The following NRG1 variants were observed in gnomAD, a reference collection of about 807,000 sequenced individuals.
NRG1 encodes pro-neuregulin-1, membrane-bound isoform.
A neutral mutation model predicts 63.8 loss-of-function variants in NRG1; 18 were observed. That is an observed-to-expected ratio of 0.28 (90% CI 0.19 to 0.42). The LOEUF is 0.42. Ranked by LOEUF, NRG1 falls within the 10% of genes least tolerant of loss-of-function variation. NRG1 has a pLI of 1.00. For synonymous variants in NRG1, 302 were observed against 301.3 expected, an observed-to-expected ratio of 1.00 and a Z score of -0.02; for missense variants, 762 against 814.7, an observed-to-expected ratio of 0.94 and a Z score of 0.79.
chr8:32,728,496 A>G lies in NRG1; in HGVS notation c.632+418A>G, dbSNP rs979706933. On this transcript the variant is annotated intron_variant, in intron 6 of 11. Transcript: ENST00000356819. Reference sequence around the variant, plus strand: ...CCCAGTGATCACCTGCCAAATGAATAAGACAACAAAGAGAAGCAGAAGGGC... The same window carrying G: ...CCCAGTGATCACCTGCCAAATGAATGAGACAACAAAGAGAAGCAGAAGGGC... The G allele has an allele frequency of 6.1e-6, 6 of 985,232 alleles. No homozygotes were observed. The African/African-American group carries it at 1.0e-4, about 17-fold the overall frequency. The allele number at this position is 985,232 out of a possible 1,614,324, so 61.0% of individuals were successfully genotyped here. A position where few individuals can be genotyped will look rare whatever the true frequency, so the allele number is the denominator to read the frequency against.
chr8:31,877,714 G>A (rs180977319), intron 1 of NRG1, among the ~76,000 whole-genome samples: 9 of 152,078 alleles, frequency 5.9e-5, no homozygotes, highest in African/African-American at 2.2e-4. Flanking sequence ...TCTTGACAGC[G>A]GCAGTGTTCC....
chr8:32,200,249 G>A (rs964135619), intron 1 of NRG1, among the ~76,000 whole-genome samples: 5 of 151,952 alleles, frequency 3.3e-5, no homozygotes, highest in Non-Finnish European at 5.9e-5. Context: ...ATGTCTTTTT[G>A]GATTAAATTC....
At chr8:32,763,789 T>C (rs1184253494) in exon 12 of NRG1, 2 of 1,582,300 alleles carry the variant, frequency 1.3e-6, no homozygotes, top group African/African-American at 2.7e-5. Flanking sequence ...ATGTCACCTG[T>C]AGATTTCCAC....
At chr8:31,919,312 C>T (rs1303330666) in intron 1 of NRG1, among the ~76,000 whole-genome samples, 1 of 151,156 alleles carries the variant, frequency 6.6e-6, no homozygotes, top group African/African-American at 2.4e-5. Flanking sequence ...ATTTTGGTTA[C>T]AGTTTCTTTG....
At chr8:31,760,930 G>A (rs4733095) in intron 1 of NRG1, among the ~76,000 whole-genome samples, 30,578 of 152,012 alleles carry the variant, frequency 0.2, 4,275 homozygotes, top group East Asian at 0.64. Context: ...AATACCATTT[G>A]ACCCAGCCAT....
chr8:32,411,654 A>G (rs1299710110), intron 1 of NRG1, among the ~76,000 whole-genome samples: 2 of 152,192 alleles, frequency 1.3e-5, no homozygotes, highest in Non-Finnish European at 2.9e-5. Context: ...GATGCTCCTC[A>G]GCTTATAATG....
chr8:31,689,774 A>G (rs1809302196), intron 1 of NRG1, among the ~76,000 whole-genome samples: 1 of 152,224 alleles, frequency 6.6e-6, no homozygotes, highest in Non-Finnish European at 1.5e-5. Flanking sequence ...TAAAAATTTC[A>G]CTTCTTTAAT....
intron 1 of NRG1, among the ~76,000 whole-genome samples, chr8:31,802,896 A>G (rs1342960088): frequency 6.6e-6 from 1 of 152,216 alleles, no homozygotes; most frequent in Non-Finnish European, 1.5e-5. Context: ...AGATTTTTAA[A>G]TAGAAGGAAA....
intron 1 of NRG1, among the ~76,000 whole-genome samples, chr8:31,934,420 C>CTTTTTT (rs1554580265): frequency 9.3e-6 from 1 of 108,078 alleles, no homozygotes; most frequent in African/African-American, 4.1e-5. Flanking sequence ...TATTCGCTCT[C>CTTTTTT]TTTTTTTTTT....
intron 1 of NRG1, among the ~76,000 whole-genome samples, chr8:32,056,221 G>A (rs981487080): frequency 6.6e-5 from 10 of 152,048 alleles, no homozygotes; most frequent in African/African-American, 9.7e-5. Context: ...GGAAAGTTGC[G>A]AGAGAATATG....
chr8:32,397,912 A>T (rs1182762632), intron 1 of NRG1, among the ~76,000 whole-genome samples: 1 of 152,240 alleles, frequency 6.6e-6, no homozygotes, highest in Admixed American at 6.5e-5. Flanking sequence ...AAATAAAAGC[A>T]TGAATTTGTT....
At chr8:32,078,435 T>TTC (rs1285462886) in intron 1 of NRG1, among the ~76,000 whole-genome samples, 3 of 152,182 alleles carry the variant, frequency 2.0e-5, no homozygotes, top group African/African-American at 7.2e-5. Context: ...TCAACCACTT[T>TTC]TCTTTATGAA....
chr8:31,978,731 C>T (rs780961114), intron 1 of NRG1, among the ~76,000 whole-genome samples: 4 of 152,078 alleles, frequency 2.6e-5, no homozygotes, highest in Admixed American at 2.6e-4. Context: ...ATAGACAGCA[C>T]CCTGTTTGCC....
intron 1 of NRG1, among the ~76,000 whole-genome samples, chr8:32,515,599 C>T (rs1829743640): frequency 1.3e-5 from 2 of 151,938 alleles, no homozygotes; most frequent in African/African-American, 4.8e-5. Flanking sequence ...TGTGCCAACA[C>T]ACCCAGCTCA....
chr8:32,036,573 C>T (rs139794816), intron 1 of NRG1, among the ~76,000 whole-genome samples: 106 of 152,238 alleles, frequency 7.0e-4, no homozygotes, highest in African/African-American at 1.8e-3. Flanking sequence ...CCCCAGTCAG[C>T]GGTAGGTTCA....
intron 1 of NRG1, among the ~76,000 whole-genome samples, chr8:32,224,062 T>G (rs757901321): frequency 1.3e-5 from 2 of 152,146 alleles, no homozygotes; most frequent in Non-Finnish European, 2.9e-5. Flanking sequence ...ACCCTGTGAC[T>G]GCAAAATGAG....
chr8:32,414,409 C>T (rs1815566052), intron 1 of NRG1, among the ~76,000 whole-genome samples: 1 of 152,162 alleles, frequency 6.6e-6, no homozygotes, highest in Admixed American at 6.5e-5. Flanking sequence ...ACATATCTCC[C>T]TTTTTCTTGC....
intron 7 of NRG1, among the ~76,000 whole-genome samples, chr8:32,744,616 A>C (rs1827097282): frequency 6.6e-6 from 1 of 152,154 alleles, no homozygotes; most frequent in Non-Finnish European, 1.5e-5. Context: ...AGATAAATGC[A>C]GTAAAATCAT....
intron 1 of NRG1, among the ~76,000 whole-genome samples, chr8:32,372,100 C>T (rs1808965104): frequency 6.6e-6 from 1 of 150,418 alleles, no homozygotes; most frequent in Admixed American, 6.7e-5. Context: ...GCAATCCTCC[C>T]ACCTCAGTCT....
Sources: allele counts gnomAD v4.1 joint callset (sites outside exome capture counted in the v4.1 genomes callset), GRCh38; gene constraint gnomAD v4.1.1; transcripts MANE v1.5; gene names NCBI Gene and HGNC (gene_info 2026-07-23, HGNC 2026-07-21).